FGFR2: variants seen among roughly 807,000 people sequenced by gnomAD.
FGFR2 encodes fibroblast growth factor receptor 2.
In FGFR2, 19 loss-of-function variants were observed where a neutral mutation model predicts 95.9. The observed-to-expected ratio is 0.20, with a 90% confidence interval of 0.14 to 0.29. The LOEUF (loss-of-function observed/expected upper bound fraction) is 0.29. Among genes scored for constraint, FGFR2 ranks in the 10% least tolerant of loss-of-function variants. FGFR2 has a pLI of 1.00. For synonymous variants in FGFR2, 392 were observed against 393.3 expected (o/e 1.00, Z 0.04); for missense variants, 707 against 1,056.9 (o/e 0.67, Z 4.59).
At position 121,538,723 on chromosome 10, in the gene FGFR2, G is replaced by A. The variant is rs1853240523; in HGVS notation, c.625-8C>T. On this transcript the variant is annotated splice_polypyrimidine_tract_variant and splice_region_variant and intron_variant, in intron 5 of 17. Transcript: ENST00000358487. ...CCAGTGCTGGTTTCGTACCTGAAAAGATCAAAGCAAAGGCGGTTATTTAAC... is the reference window on the plus strand; with the variant it reads ...CCAGTGCTGGTTTCGTACCTGAAAAAATCAAAGCAAAGGCGGTTATTTAAC... 10 of 1,614,172 alleles carry A rather than the reference G, an allele frequency of 6.2e-6. No individual in the cohort carries two copies. Among genetic ancestry groups the A allele is most frequent in the Non-Finnish European group, 6.8e-6 (8 of 1,180,030 alleles).
Position 121,517,791 on chromosome 10 carries a change from A to G in FGFR2, c.940-328T>C, listed in dbSNP as rs2134267737. On this transcript the variant is annotated intron_variant, in intron 7 of 17. Coordinates refer to ENST00000358487, the MANE Select transcript of FGFR2 (RefSeq NM_000141.5). The surrounding 1 kb of genome is among the most constrained non-coding windows in gnomAD (Gnocchi z 4.7). ...GTGGTTTTCCAAAAGTATGGTGCCCAGAAGGCCAAGCTGGTTCTGGTCCTG... is the reference window on the plus strand; with the variant it reads ...GTGGTTTTCCAAAAGTATGGTGCCCGGAAGGCCAAGCTGGTTCTGGTCCTG... Among the ~76,000 whole-genome samples the G allele has an allele frequency of 6.6e-6, 1 of 152,186 alleles. No homozygotes were observed. Among genetic ancestry groups the G allele is most frequent in the South Asian group, 2.1e-4 (1 of 4,798 alleles).
chr10:121,556,643 T>C (rs1409642222), intron 4 of FGFR2, among the ~76,000 whole-genome samples: 2 of 152,124 alleles, frequency 1.3e-5, no homozygotes, highest in African/African-American at 4.8e-5. Flanking sequence ...CTGAGCAGTG[T>C]TCCTTCAACC....
intron 9 of FGFR2, among the ~76,000 whole-genome samples, chr10:121,509,482 C>CTTTTTTTTTTTTTTTTTTTTTTTT: frequency 2.2e-5 from 1 of 45,352 alleles, no homozygotes; most frequent in African/African-American, 8.7e-5. Context: ...TGTTTCTTTT[C>CTTTTTTTTTTTTTTTTTTTTTTTT]TTTTTTTTTT....
At chr10:121,564,294 C>A in intron 4 of FGFR2, 2 of 597,872 alleles carry the variant, frequency 3.3e-6, no homozygotes, top group South Asian at 3.9e-5. Context: ...ACCAGTGACA[C>A]GAGAAGAAAG....
At chr10:121,537,338 C>T (rs41295517) in intron 6 of FGFR2, among the ~76,000 whole-genome samples, 2,134 of 152,282 alleles carry the variant, frequency 0.014, 43 homozygotes, top group African/African-American at 0.044. Context: ...CAGAGTGTCT[C>T]GTAGATCCAA....
intron 6 of FGFR2, chr10:121,530,205 C>G (rs1218847922): frequency 6.6e-6 from 1 of 152,236 alleles, no homozygotes; most frequent in Non-Finnish European, 1.5e-5. Flanking sequence ...GAAAACAAAC[C>G]AAGCATGAAG....
chr10:121,572,761 T>A (rs1249751348), intron 2 of FGFR2, among the ~76,000 whole-genome samples: 1 of 152,244 alleles, frequency 6.6e-6, no homozygotes, highest in African/African-American at 2.4e-5. Context: ...ATAGGACCTC[T>A]GACTGGGGAG....
intron 14 of FGFR2, 38 bp downstream of exon 14, chr10:121,487,953 C>T (rs765370165): frequency 6.2e-6 from 10 of 1,613,308 alleles, no homozygotes; most frequent in East Asian, 4.5e-5. Flanking sequence ...TGAGCCTCAC[C>T]CCCGCCCCTG....
In FGFR2 at chr10:121,485,678, C is replaced by T; in HGVS notation, c.2058-146G>A. 3 of 1,034,736 alleles carry T rather than the reference C, an allele frequency of 2.9e-6. No homozygotes were observed. Among genetic ancestry groups the T allele is most frequent in the Non-Finnish European group, 4.3e-6 (3 of 690,882 alleles). 64.1% of individuals were successfully genotyped at this position (1,034,736 alleles called of 1,614,324 possible). A position where few individuals can be genotyped will look rare whatever the true frequency, so the allele number is the denominator to read the frequency against. On this transcript the variant is annotated intron_variant, in intron 15 of 17. Transcript: ENST00000358487. This position sits in a 1 kb window ranked among gnomAD's most constrained non-coding sequence, Gnocchi z 4.2. ...TGCAGTTCCTCCTATGTGCTCTTTC[C>T]TGCCCTGCAAGAGCATCCCCGAATG... is the stretch of plus-strand genomic sequence containing the variant.
At chr10:121,480,746 G>A (rs1000457434) in intron 17 of FGFR2, among the ~76,000 whole-genome samples, 1 of 151,800 alleles carries the variant, frequency 6.6e-6, no homozygotes, top group African/African-American at 2.4e-5. Flanking sequence ...TCAAAGTTTT[G>A]AAGGTTCGAG....
chr10:121,526,851 C>T (rs553641751), intron 6 of FGFR2: 3 of 398,432 alleles, frequency 7.5e-6, no homozygotes, highest in Admixed American at 4.4e-5. Context: ...ACCCAGGTGT[C>T]CGCATCTTCT....
intron 13 of FGFR2, among the ~76,000 whole-genome samples, chr10:121,492,973 G>T (rs1336690031): frequency 6.6e-6 from 1 of 152,110 alleles, no homozygotes; most frequent in Admixed American, 6.5e-5. Context: ...ACAGCTGAGT[G>T]GGGGACCAGG....
chr10:121,521,642 T>C (rs1258886928), intron 6 of FGFR2, among the ~76,000 whole-genome samples: 1 of 29,300 alleles, frequency 3.4e-5, no homozygotes, highest in Non-Finnish European at 2.3e-4. Context: ...CCTGTCAGGA[T>C]GGGAAGAAAA....
intron 2 of FGFR2, among the ~76,000 whole-genome samples, chr10:121,589,607 G>A (rs1862327666): frequency 6.6e-6 from 1 of 152,218 alleles, no homozygotes; most frequent in Non-Finnish European, 1.5e-5. Flanking sequence ...TTGAATCAGA[G>A]AGAGCCAGTA....
intron 6 of FGFR2, among the ~76,000 whole-genome samples, chr10:121,533,788 G>C (rs1235751821): frequency 7.2e-5 from 11 of 152,178 alleles, no homozygotes; most frequent in Non-Finnish European, 2.9e-5. Flanking sequence ...CATACAGATA[G>C]GCGTGGAGAA....
intron 2 of FGFR2, among the ~76,000 whole-genome samples, chr10:121,569,365 C>T (rs980515841): frequency 6.6e-5 from 10 of 152,142 alleles, no homozygotes; most frequent in African/African-American, 2.2e-4. Flanking sequence ...GGATTACAGG[C>T]GTGCACCACC....
At chr10:121,507,428 A>G (rs1204242432) in intron 9 of FGFR2, among the ~76,000 whole-genome samples, 2 of 152,166 alleles carry the variant, frequency 1.3e-5, no homozygotes, top group African/African-American at 4.8e-5. Flanking sequence ...TCTCTACTAA[A>G]GATAGAAAAG....
intron 12 of FGFR2, among the ~76,000 whole-genome samples, chr10:121,497,056 A>G (rs1485033101): frequency 1.4e-5 from 2 of 145,088 alleles, no homozygotes; most frequent in Non-Finnish European, 3.0e-5. Flanking sequence ...GCTTGAACCC[A>G]GGAGGTGGAG....
chr10:121,486,203 A>G (rs1294208313), intron 15 of FGFR2, among the ~76,000 whole-genome samples: 1 of 152,154 alleles, frequency 6.6e-6, no homozygotes, highest in African/African-American at 2.4e-5. Context: ...GTTTAGCTAC[A>G]TCATGGTCGT....
Sources: gnomAD v4.1 joint callset for allele counts (sites outside exome capture counted in the v4.1 genomes callset) on GRCh38, gnomAD v4.1.1 for gene constraint, Gnocchi (gnomAD v3.1) non-coding constraint, MANE v1.5 for transcripts, NCBI Gene and HGNC (gene_info 2026-07-23, HGNC 2026-07-21) for gene names.